CCDC57: variants seen among roughly 807,000 people sequenced by gnomAD.
CCDC57 encodes coiled-coil domain containing 57.
In CCDC57, 118 loss-of-function variants were observed where a neutral mutation model predicts 118.9. The observed-to-expected ratio is 0.99, with a 90% CI of 0.86 to 1.16. The LOEUF (loss-of-function observed/expected upper bound fraction) is 1.16, where lower values mean the gene tolerates loss of function less well. Among genes scored for constraint, CCDC57 ranks in the 50% most tolerant of loss-of-function variants. CCDC57 has a pLI of 0.00. For synonymous variants in CCDC57, 527 were observed against 532.9 expected (o/e 0.99, Z 0.15); for missense variants, 1,300 against 1,320.7 (o/e 0.98, Z 0.24).
At position 82,191,389 on chromosome 17, in the gene CCDC57, C is replaced by T. The variant is rs369075594; in HGVS notation, c.851+2367G>A. Among the ~76,000 whole-genome samples, 184 of 152,240 alleles carry T rather than the reference C, an allele frequency of 1.2e-3. 2 individuals carry two copies. Among genetic ancestry groups the T allele is most frequent in the African/African-American group, 4.0e-3 (168 of 41,552 alleles). The stretch of plus-strand genomic sequence containing the variant: ...TTTTACCACGTGGAACTGTCTATGA[C>T]GTGGGCACTGAGACTCAAGTGTTAA... On this transcript the variant is annotated intron_variant, in intron 7 of 19. Coordinates refer to ENST00000665763, the Ensembl canonical transcript of CCDC57.
intron 16 of CCDC57, among the ~76,000 whole-genome samples, chr17:82,136,711 C>T (rs1444908657): frequency 6.6e-6 from 1 of 151,832 alleles, no homozygotes; most frequent in Non-Finnish European, 1.5e-5. Context: ...GATCCTCCCA[C>T]CTCAGCCTCC....
intron 9 of CCDC57, among the ~76,000 whole-genome samples, chr17:82,181,515 C>G (rs1284073185): frequency 6.6e-6 from 1 of 152,208 alleles, no homozygotes. Context: ...CAGATGCTCG[C>G]CAACATCATA....
chr17:82,186,612 C>T (rs188292157), intron 8 of CCDC57, among the ~76,000 whole-genome samples: 1 of 152,268 alleles, frequency 6.6e-6, no homozygotes, highest in Non-Finnish European at 1.5e-5. Flanking sequence ...CTGTGTAGTT[C>T]TAAGAGCCAT....
At chr17:82,196,697 T>C (rs748141370) in intron 4 of CCDC57, among the ~76,000 whole-genome samples, 3 of 151,378 alleles carry the variant, frequency 2.0e-5, no homozygotes, top group Admixed American at 6.6e-5. Context: ...TAGTAACACT[T>C]ACACCTACCT....
chr17:82,133,477 T>G (rs1172579426), intron 17 of CCDC57, among the ~76,000 whole-genome samples: 3 of 151,100 alleles, frequency 2.0e-5, no homozygotes, highest in Non-Finnish European at 4.4e-5. Context: ...GGTTTTTTTT[T>G]CACTTATCAT....
At chr17:82,147,052 T>C (rs930979169) in intron 16 of CCDC57, among the ~76,000 whole-genome samples, 1 of 152,196 alleles carries the variant, frequency 6.6e-6, no homozygotes, top group Non-Finnish European at 1.5e-5. Context: ...GCAGAAAGTA[T>C]CTGGCACTCA....
intron 19 of CCDC57, among the ~76,000 whole-genome samples, chr17:82,115,373 G>C (rs796279174): frequency 1.3e-5 from 2 of 151,992 alleles, no homozygotes; most frequent in Non-Finnish European, 2.9e-5. Context: ...TGGCTACAAG[G>C]TGTCTTCAAC....
At chr17:82,150,996 C>A in intron 16 of CCDC57, among the ~76,000 whole-genome samples, 1 of 103,134 alleles carries the variant, frequency 9.7e-6, no homozygotes, top group African/African-American at 3.6e-5. Context: ...CACCCAGAAC[C>A]AGGCACACAC....
intron 19 of CCDC57, chr17:82,108,659 C>G (rs1166205671): frequency 1.3e-5 from 2 of 152,264 alleles, no homozygotes; most frequent in Non-Finnish European, 2.9e-5. Flanking sequence ...AGAGCAAACA[C>G]CTCAGTTCCC....
chr17:82,182,474 C>T (rs2046330554), intron 9 of CCDC57, among the ~76,000 whole-genome samples: 1 of 151,532 alleles, frequency 6.6e-6, no homozygotes, highest in South Asian at 2.1e-4. Flanking sequence ...CTGCCTCAGC[C>T]CCCCGAGTAG....
intron 8 of CCDC57, 91 bp from the exon 8 acceptor site, chr17:82,184,023 G>GCA (rs1321084849): frequency 1.1e-4 from 43 of 384,002 alleles, no homozygotes; most frequent in Admixed American, 3.0e-4. Flanking sequence ...ACATGCGCGC[G>GCA]CGCGCGCGCA....
chr17:82,179,084 C>G, exon 10 of CCDC57: 3 of 1,614,014 alleles, frequency 1.9e-6, no homozygotes, highest in Admixed American at 1.7e-5. Flanking sequence ...GGATCTGGTC[C>G]CTTTCAATGT....
chr17:82,194,481 T>C (rs1164574758), intron 5 of CCDC57, among the ~76,000 whole-genome samples: 1 of 152,000 alleles, frequency 6.6e-6, no homozygotes, highest in South Asian at 2.1e-4. Flanking sequence ...CAGCTAATTT[T>C]TGTATTTTTA....
chr17:82,205,435 T>C (rs1490601279), intron 2 of CCDC57, among the ~76,000 whole-genome samples: 2 of 152,132 alleles, frequency 1.3e-5, no homozygotes, highest in African/African-American at 4.8e-5. Context: ...CCTGACCATT[T>C]TCAAAATAAA....
intron 16 of CCDC57, among the ~76,000 whole-genome samples, chr17:82,146,945 C>T (rs1195532972): frequency 6.6e-6 from 1 of 152,234 alleles, no homozygotes; most frequent in African/African-American, 2.4e-5. Flanking sequence ...AGTCTCGTCT[C>T]GGGAAGTGCT....
chr17:82,200,541 C>T (rs2048871666), intron 3 of CCDC57, among the ~76,000 whole-genome samples: 2 of 152,102 alleles, frequency 1.3e-5, no homozygotes, highest in Non-Finnish European at 2.9e-5. Context: ...CCCAGCACTT[C>T]AGGAAGCCAA....
intron 19 of CCDC57, chr17:82,113,519 G>C (rs2035448490): frequency 1.4e-6 from 1 of 717,464 alleles, no homozygotes; most frequent in African/African-American, 1.7e-5. Flanking sequence ...TGACCAGTGA[G>C]GCCCGCGCTG....
chr17:82,186,144 T>G (rs887528207), intron 8 of CCDC57, among the ~76,000 whole-genome samples: 2 of 152,072 alleles, frequency 1.3e-5, no homozygotes, highest in South Asian at 2.1e-4. Context: ...CAGCTCATAC[T>G]TGGGATCATG....
intron 15 of CCDC57, chr17:82,155,271 G>C (rs890192635): frequency 1.3e-4 from 20 of 152,276 alleles, no homozygotes; most frequent in African/African-American, 4.8e-4. Flanking sequence ...GCACCCATCC[G>C]TGGTCGCCCG....
Sources: allele counts gnomAD v4.1 joint callset (sites outside exome capture counted in the v4.1 genomes callset), GRCh38; gene constraint gnomAD v4.1.1; transcripts MANE v1.5; gene names NCBI Gene and HGNC (gene_info 2026-07-23, HGNC 2026-07-21).